ADSS2: variants seen among roughly 807,000 people sequenced by gnomAD.
ADSS2 encodes adenylosuccinate synthase 2.
Under a neutral mutation model 60.0 loss-of-function variants are expected in ADSS2, and 30 were observed. That is an observed-to-expected ratio of 0.50 (90% confidence interval 0.37 to 0.68). ADSS2 has a LOEUF of 0.68. Among genes scored for constraint, ADSS2 ranks in the 30% least tolerant of loss-of-function variants. ADSS2 has a pLI of 0.00. For synonymous variants in ADSS2, 187 were observed against 193.1 expected, an observed-to-expected ratio of 0.97 and a Z score of 0.26; for missense variants, 373 against 554.8, an observed-to-expected ratio of 0.67 and a Z score of 3.29.
chr1:244,413,494 G>A (rs1296411820), intron 11 of ADSS2, among the ~76,000 whole-genome samples: 1 of 152,194 alleles, frequency 6.6e-6, no homozygotes, highest in Non-Finnish European at 1.5e-5. Flanking sequence ...TTTCTGCCTA[G>A]GGACCATTTC....
intron 2 of ADSS2, 54 bp from the exon 3 acceptor site, chr1:244,436,947 T>C: frequency 6.9e-7 from 1 of 1,457,886 alleles, no homozygotes; most frequent in Non-Finnish European, 9.6e-7. Flanking sequence ...CAGACATATG[T>C]AACTTAAAGG....
At chr1:244,412,525 C>T (rs1034421091) in intron 11 of ADSS2, among the ~76,000 whole-genome samples, 5 of 152,130 alleles carry the variant, frequency 3.3e-5, no homozygotes, top group Admixed American at 2.0e-4. Context: ...GATTCGAGCA[C>T]GGTGGAACAA....
At chr1:244,439,171 A>G (rs1665174863) in intron 1 of ADSS2, among the ~76,000 whole-genome samples, 1 of 152,176 alleles carries the variant, frequency 6.6e-6, no homozygotes, top group South Asian at 2.1e-4. Context: ...TGCTTGGCTT[A>G]CTTCACGTAA....
intron 1 of ADSS2, among the ~76,000 whole-genome samples, chr1:244,445,558 T>C (rs1054070297): frequency 1.3e-5 from 2 of 152,030 alleles, no homozygotes; most frequent in Non-Finnish European, 2.9e-5. Context: ...CCAGAGGCTG[T>C]CAAATCCAAT....
intron 4 of ADSS2, among the ~76,000 whole-genome samples, chr1:244,431,457 T>C (rs1369430451): frequency 6.6e-6 from 1 of 152,182 alleles, no homozygotes; most frequent in Non-Finnish European, 1.5e-5. Flanking sequence ...TTTCATAGTT[T>C]AAGTATAATC....
Position 244,411,373 on chromosome 1 carries a change from T to G in ADSS2, c.1232A>C (p.Asp411Ala). The change falls in exon 12 of 13, where the codon GAC becomes GCC. Residue 411 changes from aspartate (D) to alanine (A), a missense_variant. By Grantham distance (126) the Asp-to-Ala change is moderately radical. Around this residue, in one of 5 missense-constraint regions of ADSS2, gnomAD observed 130 missense variants for 169.4 expected, o/e 0.77. Transcript: ENST00000366535. ...TTTAAACGCCCTTGCATTTGATATG[T>G]CTGTGTTCCATCCTGGGAGAGTCTT... is the stretch of plus-strand genomic sequence containing the variant. ...QYKTLPGWNT[D>A]ISNARAFKEL... 1 of 1,613,942 alleles carries G rather than the reference T, an allele frequency of 6.2e-7. No homozygotes were observed. The highest frequency in any genetic ancestry group is 8.5e-7 in the Non-Finnish European group (1 of 1,179,872).
chr1:244,420,242 C>T lies in ADSS2; in HGVS notation c.718G>A (p.Glu240Lys). ...MVRDGVYFLY[E>K]ALHGPPKKIL... Reference sequence around the variant, plus strand: ...TTCTTTGGTGGTCCATGTAGGGCCTCATATAGAAAATAAACTCCATCTCTC... The same window carrying T: ...TTCTTTGGTGGTCCATGTAGGGCCTTATATAGAAAATAAACTCCATCTCTC... The change falls in exon 8 of 13, where the codon GAG (glutamate) becomes AAG (lysine). Residue 240 changes from glutamate (E) to lysine (K), a missense_variant. Transcript: ENST00000366535. 6.2e-7 allele frequency: 1 copy of T among 1,613,638 alleles called. No homozygotes were observed. Among genetic ancestry groups the T allele is most frequent in the Non-Finnish European group, 8.5e-7 (1 of 1,179,744 alleles).
chr1:244,411,387 T>C lies in ADSS2; in HGVS notation c.1218A>G (p.Pro406=), dbSNP rs373775554. 6.8e-6 allele frequency: 11 copies of C among 1,613,602 alleles called. No homozygotes were observed. Among genetic ancestry groups the C allele is most frequent in the South Asian group, 4.4e-5 (4 of 90,906 alleles). Residue 406 remains proline, a synonymous_variant, in exon 12 of 13, where the codon CCA becomes CCG. Transcript: ENST00000366535. ...CATTTGATATGTCTGTGTTCCATCC[T>C]GGGAGAGTCTTATATTGAACTTCAA... ...NKVEVQYKTL[P]GWNTDISNAR...
At chr1:244,412,675 T>C (rs1284308486) in intron 11 of ADSS2, among the ~76,000 whole-genome samples, 1 of 152,208 alleles carries the variant, frequency 6.6e-6, no homozygotes, top group Non-Finnish European at 1.5e-5. Flanking sequence ...AATTCAATCA[T>C]ACAGACTGCA....
Position 244,422,920 on chromosome 1 carries a change from A to T in ADSS2, c.582-4T>A, listed in dbSNP as rs374379621. 6.5e-7 allele frequency: 1 copy of T among 1,533,658 alleles called. No homozygotes were observed. The highest frequency in any genetic ancestry group is 1.4e-5 in the African/African-American group (1 of 73,166). Reference sequence around the variant, plus strand: ...TTGGTTAGCTAGAACTTTAAACCTGAGAAACACAGATAAATCAAGACATTA... The same window carrying T: ...TTGGTTAGCTAGAACTTTAAACCTGTGAAACACAGATAAATCAAGACATTA... On this transcript the variant is annotated splice_region_variant and splice_polypyrimidine_tract_variant and intron_variant, in intron 6 of 12. Transcript: ENST00000366535.
chr1:244,439,595 T>C (rs954969524), intron 1 of ADSS2, among the ~76,000 whole-genome samples: 3 of 152,278 alleles, frequency 2.0e-5, no homozygotes, highest in African/African-American at 7.2e-5. Context: ...TGGAGCTGCA[T>C]GCTGTGCTGC....
chr1:244,448,649 T>G (rs1665454749), intron 1 of ADSS2, among the ~76,000 whole-genome samples: 1 of 152,190 alleles, frequency 6.6e-6, no homozygotes, highest in Non-Finnish European at 1.5e-5. Context: ...TTTCTGTAGC[T>G]TCTACTCAGC....
rs10927233 is a variant in ADSS2 at position 244,420,628 on chromosome 1, T to C, written c.664-332A>G. The stretch of plus-strand genomic sequence containing the variant: ...TCAGGAAAATAAAAATAAATGACTA[T>C]ATTACAATGTGCTTTTAAATTTTGT... On this transcript the variant is annotated intron_variant, in intron 7 of 12. Coordinates refer to ENST00000366535, the MANE Select transcript of ADSS2 (RefSeq NM_001126.5). 8.1e-3 allele frequency among the ~76,000 whole-genome samples: 1,238 copies of C among 152,336 alleles called. 15 individuals carry two copies. Among genetic ancestry groups the C allele is most frequent in the African/African-American group, 0.028 (1,182 of 41,576 alleles).
chr1:244,448,840 C>T (rs184427289), intron 1 of ADSS2, among the ~76,000 whole-genome samples: 2 of 152,256 alleles, frequency 1.3e-5, no homozygotes, highest in Admixed American at 1.3e-4. Context: ...GCTTACACAG[C>T]AGTTGTCCCC....
intron 4 of ADSS2, among the ~76,000 whole-genome samples, chr1:244,431,493 C>T (rs548800744): frequency 6.6e-6 from 1 of 152,200 alleles, no homozygotes; most frequent in Admixed American, 6.5e-5. Context: ...TACTCACAAG[C>T]TTACTTTATG....
rs1665617966 is a variant in ADSS2, at chr1:244,451,731, C to T, written c.87G>A (p.Arg29=). 1.2e-6 allele frequency: 2 copies of T among 1,607,890 alleles called. No individual in the cohort carries two copies. The highest frequency in any genetic ancestry group is 2.2e-5 in the South Asian group (2 of 90,042). Residue 29 remains arginine, a synonymous_variant, in exon 1 of 13, where the codon CGG becomes CGA. Coordinates refer to ENST00000366535, the MANE Select transcript of ADSS2 (RefSeq NM_001126.5). This position sits in a 1 kb window ranked among gnomAD's most constrained non-coding sequence, Gnocchi z 6.6. The part of the protein sequence containing the change: ...GRPRARPGGN[R]VTVVLGAQWG... ...ACTGCGCACCGAGCACCACCGTCAC[C>T]CGGTTTCCTCCGGGCCGCGCCCTGG...
At chr1:244,425,748 C>G (rs533558690) in intron 4 of ADSS2, among the ~76,000 whole-genome samples, 8 of 152,118 alleles carry the variant, frequency 5.3e-5, no homozygotes, top group Non-Finnish European at 1.2e-4. Flanking sequence ...GCTGTACATA[C>G]TAATTAGTTA....
At position 244,408,570 on chromosome 1, in the gene ADSS2, T is replaced by C. The variant is rs1244646235; in HGVS notation, c.*1016A>G. 2 of 152,744 alleles carry C rather than the reference T, an allele frequency of 1.3e-5. No individual in the cohort carries two copies. Among genetic ancestry groups the C allele is most frequent in the East Asian group, 1.9e-4 (1 of 5,188 alleles). 9.5% of individuals were successfully genotyped at this position (152,744 alleles called of 1,614,324 possible). On this transcript the variant is annotated 3_prime_UTR_variant, in exon 13 of 13. Coordinates refer to ENST00000366535, the MANE Select transcript of ADSS2 (RefSeq NM_001126.5). ...AATTTAAGTGGCACCTAATTTAACA[T>C]TTAAAATAGTTCATTAAAAGATAAT...
intron 4 of ADSS2, among the ~76,000 whole-genome samples, chr1:244,430,193 T>C (rs1279805419): frequency 4.6e-5 from 7 of 152,238 alleles, no homozygotes; most frequent in Admixed American, 2.6e-4. Flanking sequence ...ACTTTCCTTT[T>C]ACTCTAGGCC....
Sources: allele counts gnomAD v4.1 joint callset (sites outside exome capture counted in the v4.1 genomes callset), GRCh38; gene constraint gnomAD v4.1.1; regional missense constraint gnomAD v4.1.1; non-coding constraint Gnocchi (gnomAD v3.1); transcripts MANE v1.5; gene names NCBI Gene and HGNC (gene_info 2026-07-23, HGNC 2026-07-21).